The following LY96 variants were observed in gnomAD, a reference collection of about 807,000 sequenced individuals.
LY96 encodes lymphocyte antigen 96.
LY96 carries 18 observed loss-of-function variants against 18.9 expected under a neutral mutation model. The ratio of observed to expected loss-of-function variants is 0.95; its 90% CI spans 0.66 to 1.41. The LOEUF (loss-of-function observed/expected upper bound fraction) is 1.41. Among genes scored for constraint, LY96 ranks in the 40% most tolerant of loss-of-function variants. LY96 has a pLI of 0.00. For synonymous variants in LY96, 66 were observed against 62.6 expected (o/e 1.06, Z -0.26); for missense variants, 175 against 182.4 (o/e 0.96, Z 0.23).
intron 1 of LY96, among the ~76,000 whole-genome samples, chr8:73,999,581 T>C (rs530204138): frequency 6.6e-6 from 1 of 152,344 alleles, no homozygotes; most frequent in Non-Finnish European, 1.5e-5. Context: ...TGACAGTATT[T>C]AGTAACATTA....
chr8:74,006,940 G>A (rs1359773128), intron 2 of LY96, among the ~76,000 whole-genome samples: 3 of 152,192 alleles, frequency 2.0e-5, no homozygotes, highest in Non-Finnish European at 2.9e-5. Context: ...TGGAGGAAAC[G>A]CTTGTGAACA....
At chr8:74,004,771 T>C (rs764248640) in intron 1 of LY96, 25 bp from the exon 2 acceptor site, 16 of 1,524,848 alleles carry the variant, frequency 1.0e-5, no homozygotes, top group Non-Finnish European at 1.5e-5. Flanking sequence ...TAGTAATTTA[T>C]TGACATTATC....
At chr8:74,047,231 G>A in the LY96 span, among the ~76,000 whole-genome samples, 1 of 152,098 alleles carries the variant, frequency 6.6e-6, no homozygotes. Flanking sequence ...AAAAAGATTT[G>A]GTCCTGAATT....
chr8:74,081,053 TTTC>T, the LY96 span, among the ~76,000 whole-genome samples: 2 of 129,442 alleles, frequency 1.5e-5, no homozygotes, highest in Non-Finnish European at 3.1e-5. Context: ...TTTCTTTTTC[TTTC>T]TTTCTTTCTT....
chr8:74,001,451 A>T (rs1816267109), intron 1 of LY96, among the ~76,000 whole-genome samples: 1 of 151,120 alleles, frequency 6.6e-6, no homozygotes, highest in Non-Finnish European at 1.5e-5. Context: ...CTGATCTTGA[A>T]CTCCTGACCT....
the LY96 span, among the ~76,000 whole-genome samples, chr8:74,052,183 T>C: frequency 2.2e-4 from 34 of 152,322 alleles, no homozygotes; most frequent in Non-Finnish European, 4.1e-4. Context: ...GGGGACTGTG[T>C]ATGTCACCAC....
At chr8:74,089,068 C>T in the LY96 span, among the ~76,000 whole-genome samples, 5 of 152,260 alleles carry the variant, frequency 3.3e-5, no homozygotes, top group South Asian at 1.0e-3. Flanking sequence ...GAACAATCCC[C>T]TGACTTCCTA....
At chr8:74,041,458 T>C in the LY96 span, among the ~76,000 whole-genome samples, 1 of 152,166 alleles carries the variant, frequency 6.6e-6, no homozygotes, top group South Asian at 2.1e-4. Flanking sequence ...GCCTGTGGGG[T>C]TGGGCAGAAT....
intron 3 of LY96, among the ~76,000 whole-genome samples, chr8:74,016,612 G>A (rs561976690): frequency 1.3e-5 from 2 of 152,180 alleles, no homozygotes; most frequent in Non-Finnish European, 2.9e-5. Flanking sequence ...CTCCTAGTAG[G>A]GGCTTACTGA....
intron 4 of LY96, among the ~76,000 whole-genome samples, chr8:74,028,612 C>A (rs748853422): frequency 6.6e-6 from 1 of 151,838 alleles, no homozygotes; most frequent in Non-Finnish European, 1.5e-5. Context: ...TAGATATTTG[C>A]GTGACATATC....
the LY96 span, among the ~76,000 whole-genome samples, chr8:74,094,003 C>T: frequency 1.3e-5 from 2 of 151,914 alleles, no homozygotes; most frequent in Non-Finnish European, 2.9e-5. Context: ...AATATTTTTT[C>T]TTTTAATTTT....
chr8:74,080,984 CTCTT>C, the LY96 span, among the ~76,000 whole-genome samples: 18,923 of 104,826 alleles, frequency 0.18, 1,721 homozygotes, highest in Non-Finnish European at 0.21. Context: ...TTCTTTCTCT[CTCTT>C]TCTTTCTTTC....
At chr8:74,083,364 G>A in the LY96 span, among the ~76,000 whole-genome samples, 18 of 152,050 alleles carry the variant, frequency 1.2e-4, no homozygotes, top group Admixed American at 3.9e-4. Context: ...ACAGGCGCCC[G>A]CCACCACACC....
the LY96 span, among the ~76,000 whole-genome samples, chr8:74,061,358 C>T: frequency 6.6e-6 from 1 of 152,202 alleles, no homozygotes; most frequent in African/African-American, 2.4e-5. Context: ...AACAAGATGA[C>T]TGTCTGCTTT....
At chr8:74,014,433 G>A (rs1438056941) in intron 3 of LY96, among the ~76,000 whole-genome samples, 1 of 148,278 alleles carries the variant, frequency 6.7e-6, no homozygotes, top group Non-Finnish European at 1.5e-5. Flanking sequence ...CCAGTGACTG[G>A]ATGTATGGAA....
intron 1 of LY96, among the ~76,000 whole-genome samples, chr8:74,000,917 A>T (rs890694129): frequency 6.6e-6 from 1 of 152,158 alleles, no homozygotes; most frequent in Non-Finnish European, 1.5e-5. Context: ...TCATCCTTTC[A>T]TCAGGAATCC....
chr8:74,090,192 C>T, the LY96 span, among the ~76,000 whole-genome samples: 1 of 152,048 alleles, frequency 6.6e-6, no homozygotes, highest in Non-Finnish European at 1.5e-5. Flanking sequence ...ATCTAGGTGG[C>T]TTTGGACTAA....
chr8:74,081,126 C>CTTTCTTTCTTTCT, the LY96 span, among the ~76,000 whole-genome samples: 12 of 23,144 alleles, frequency 5.2e-4, no homozygotes, highest in South Asian at 5.2e-3. Context: ...TCTTTCTTTC[C>CTTTCTTTCTTTCT]TTCCTTCCTT....
At chr8:74,064,771 C>T in the LY96 span, among the ~76,000 whole-genome samples, 1 of 152,242 alleles carries the variant, frequency 6.6e-6, no homozygotes, top group East Asian at 1.9e-4. Flanking sequence ...TATAATGTAT[C>T]AACATGGTTA....
Sources: allele counts gnomAD v4.1 joint callset (sites outside exome capture counted in the v4.1 genomes callset), GRCh38; gene constraint gnomAD v4.1.1; transcripts MANE v1.5; gene names NCBI Gene and HGNC (gene_info 2026-07-23, HGNC 2026-07-21).